Variants in HS6ST3 observed in about 807,000 individuals in gnomAD.
The protein encoded by HS6ST3 is heparan-sulfate 6-O-sulfotransferase 3.
Under a neutral mutation model 36.7 loss-of-function variants are expected in HS6ST3, and 12 were observed. The observed-to-expected ratio is 0.33, with a 90% CI of 0.21 to 0.53. The LOEUF (loss-of-function observed/expected upper bound fraction) is 0.53, where lower values mean the gene tolerates loss of function less well. HS6ST3 is among the 20% of genes least tolerant of loss of function. HS6ST3 has a pLI of 0.95. For missense variants in HS6ST3, 584 were observed against 640.9 expected (o/e 0.91, Z 0.96); for synonymous variants, 240 against 257.5 (o/e 0.93, Z 0.65).
intron 1 of HS6ST3, among the ~76,000 whole-genome samples, chr13:96,680,449 G>A (rs1277011138): frequency 6.6e-6 from 1 of 152,158 alleles, no homozygotes; most frequent in Non-Finnish European, 1.5e-5. Flanking sequence ...ATTTGAGGCT[G>A]GGTGGTTAGG....
intron 1 of HS6ST3, among the ~76,000 whole-genome samples, chr13:96,766,280 A>G (rs1396208494): frequency 1.3e-5 from 2 of 152,216 alleles, no homozygotes; most frequent in Admixed American, 1.3e-4. Flanking sequence ...AGTAAATGTG[A>G]CAGTGTGGTG....
chr13:96,470,181 G>A (rs1184209959), intron 1 of HS6ST3, among the ~76,000 whole-genome samples: 1 of 151,988 alleles, frequency 6.6e-6, no homozygotes, highest in Admixed American at 6.6e-5. Context: ...ATTGCTGGTT[G>A]GCACATGCTT....
chr13:96,769,387 T>C (rs1924591), intron 1 of HS6ST3, among the ~76,000 whole-genome samples: 105,027 of 149,946 alleles, frequency 0.7, 37,727 homozygotes, highest in African/African-American at 0.88. Context: ...TGCTGGTGTG[T>C]TGCACCCACT....
At chr13:96,279,001 G>A (rs1388775655) in intron 1 of HS6ST3, among the ~76,000 whole-genome samples, 3 of 152,118 alleles carry the variant, frequency 2.0e-5, no homozygotes, top group Non-Finnish European at 4.4e-5. Flanking sequence ...CCTCATGGAG[G>A]CAGAACAATG....
intron 1 of HS6ST3, among the ~76,000 whole-genome samples, chr13:96,395,472 C>T (rs988375616): frequency 2.0e-5 from 3 of 152,188 alleles, no homozygotes; most frequent in Non-Finnish European, 2.9e-5. Context: ...CTGCCACAAC[C>T]CTGCTCTCTC....
At chr13:96,112,578 A>AATATACATACATATATAT (rs397773858) in intron 1 of HS6ST3, among the ~76,000 whole-genome samples, 1 of 81,248 alleles carries the variant, frequency 1.2e-5, no homozygotes, top group Non-Finnish European at 2.3e-5. Flanking sequence ...AAAATAAATA[A>AATATACATACATATATAT]ATATATATAT....
At chr13:96,234,342 G>A (rs539592597) in intron 1 of HS6ST3, among the ~76,000 whole-genome samples, 8 of 152,020 alleles carry the variant, frequency 5.3e-5, no homozygotes, top group Non-Finnish European at 1.0e-4. Context: ...CCCAGGAGAC[G>A]GAGGCTGCAG....
At chr13:96,811,842 C>G (rs1878322402) in intron 1 of HS6ST3, among the ~76,000 whole-genome samples, 1 of 152,178 alleles carries the variant, frequency 6.6e-6, no homozygotes, top group African/African-American at 2.4e-5. Context: ...CAAGTCTCGG[C>G]TAAGCTACCA....
At chr13:96,738,467 A>G (rs1876344616) in intron 1 of HS6ST3, among the ~76,000 whole-genome samples, 1 of 152,152 alleles carries the variant, frequency 6.6e-6, no homozygotes, top group South Asian at 2.1e-4. Context: ...AATCTCCAGG[A>G]TGCAGATCAT....
chr13:96,745,251 A>G (rs952761292), intron 1 of HS6ST3, among the ~76,000 whole-genome samples: 1 of 152,108 alleles, frequency 6.6e-6, no homozygotes, highest in African/African-American at 2.4e-5. Flanking sequence ...TAGATCAAAC[A>G]TTATAGCCTC....
At chr13:96,645,239 G>A (rs2056584824) in intron 1 of HS6ST3, among the ~76,000 whole-genome samples, 1 of 151,816 alleles carries the variant, frequency 6.6e-6, no homozygotes, top group Non-Finnish European at 1.5e-5. Flanking sequence ...TGTTCTTGGT[G>A]TCTTTTCTGT....
At chr13:96,704,342 G>C (rs1875364997) in intron 1 of HS6ST3, among the ~76,000 whole-genome samples, 1 of 152,124 alleles carries the variant, frequency 6.6e-6, no homozygotes, top group Non-Finnish European at 1.5e-5. Context: ...TATGGAACTG[G>C]TCTGGATAGC....
At chr13:96,572,751 G>A (rs1163328173) in intron 1 of HS6ST3, among the ~76,000 whole-genome samples, 1 of 151,860 alleles carries the variant, frequency 6.6e-6, no homozygotes, top group African/African-American at 2.4e-5. Context: ...GTGCTGCCTG[G>A]GTCTCTGCCT....
chr13:96,740,666 A>G (rs529888147), intron 1 of HS6ST3, among the ~76,000 whole-genome samples: 76 of 152,218 alleles, frequency 5.0e-4, no homozygotes, highest in Non-Finnish European at 8.2e-4. Flanking sequence ...AGAATTGGTG[A>G]TATTCTCCAT....
chr13:96,234,544 G>A (rs2054525057), intron 1 of HS6ST3, among the ~76,000 whole-genome samples: 2 of 152,114 alleles, frequency 1.3e-5, no homozygotes, highest in African/African-American at 4.8e-5. Flanking sequence ...TAATCATGGT[G>A]GAAGGCAAAG....
At chr13:96,511,575 C>T (rs899851425) in intron 1 of HS6ST3, among the ~76,000 whole-genome samples, 4 of 151,090 alleles carry the variant, frequency 2.6e-5, no homozygotes, top group Non-Finnish European at 5.9e-5. Flanking sequence ...TTTTAAAATT[C>T]TGTTTCTTAT....
chr13:96,734,769 C>T (rs1594847964), intron 1 of HS6ST3, among the ~76,000 whole-genome samples: 1 of 152,286 alleles, frequency 6.6e-6, no homozygotes, highest in East Asian at 1.9e-4. Flanking sequence ...AGCATTAACG[C>T]AGAGTGATCA....
intron 1 of HS6ST3, among the ~76,000 whole-genome samples, chr13:96,717,503 A>T (rs749215231): frequency 4.6e-5 from 7 of 152,234 alleles, no homozygotes; most frequent in Non-Finnish European, 8.8e-5. Flanking sequence ...GACTGCACTG[A>T]ATCCTCATGC....
At chr13:96,718,600 T>C (rs1450509500) in intron 1 of HS6ST3, among the ~76,000 whole-genome samples, 1 of 152,128 alleles carries the variant, frequency 6.6e-6, no homozygotes, top group Non-Finnish European at 1.5e-5. Flanking sequence ...GGTTATAAAA[T>C]TGAACTTATG....
Sources: allele counts gnomAD v4.1 joint callset (sites outside exome capture counted in the v4.1 genomes callset), GRCh38; gene constraint gnomAD v4.1.1; transcripts MANE v1.5; gene names NCBI Gene and HGNC (gene_info 2026-07-23, HGNC 2026-07-21).